CWC25: variants seen among roughly 807,000 people sequenced by gnomAD.
CWC25 encodes pre-mRNA-splicing factor CWC25 homolog.
A neutral mutation model predicts 54.6 loss-of-function variants in CWC25; 31 were observed. The observed-to-expected ratio is 0.57, with a 90% confidence interval of 0.43 to 0.77. CWC25 has a LOEUF of 0.77. Ranked by LOEUF, CWC25 falls within the 30% of genes least tolerant of loss-of-function variation. The pLI is 0.00. For synonymous variants in CWC25, 151 were observed against 187.0 expected (o/e 0.81, Z 1.57); for missense variants, 453 against 529.3 (o/e 0.86, Z 1.41).
intron 2 of CWC25, among the ~76,000 whole-genome samples, chr17:38,817,125 G>A (rs1388872267): frequency 6.6e-6 from 1 of 151,490 alleles, no homozygotes; most frequent in East Asian, 2.0e-4. Flanking sequence ...CTGATCACGA[G>A]GTCAGGAGAT....
intron 2 of CWC25, among the ~76,000 whole-genome samples, chr17:38,816,179 C>G (rs899706741): frequency 6.6e-6 from 1 of 152,154 alleles, no homozygotes; most frequent in South Asian, 2.1e-4. Context: ...ACACTGCAAC[C>G]AGGAAAGTAC....
rs942377726 is a variant in CWC25, at chr17:38,801,130, A to C, written c.*962T>G. On this transcript the variant is annotated 3_prime_UTR_variant, in exon 10 of 10. Coordinates refer to ENST00000614790, the MANE Select transcript of CWC25 (RefSeq NM_017748.5). ...GTACCTGACTGAAAGAGACTAGCAA[A>C]CAACTCCTGAAAATCTGTAATTGTA... is the stretch of plus-strand genomic sequence containing the variant. The C allele has an allele frequency of 3.9e-5, 6 of 152,004 alleles. No individual in the cohort carries two copies. Among genetic ancestry groups the C allele is most frequent in the African/African-American group, 1.4e-4 (6 of 41,384 alleles). The allele number at this position is 152,004 out of a possible 1,614,324, so 9.4% of individuals were successfully genotyped here. A position where few individuals can be genotyped will look rare whatever the true frequency, so the allele number is the denominator to read the frequency against.
rs1159712442 is a variant in CWC25, at chr17:38,806,934, T to C, written c.733A>G (p.Thr245Ala). The C allele has an allele frequency of 1.9e-6, 3 of 1,613,796 alleles. No individual in the cohort carries two copies. The highest frequency in any genetic ancestry group is 2.7e-5 in the African/African-American group (2 of 74,916). The change falls in exon 7 of 10, where the codon ACA (threonine) becomes GCA (alanine). Residue 245 changes from threonine to alanine, a missense_variant. By Grantham distance (58) the Thr-to-Ala change is moderately conservative. Around this residue, in one of 2 missense-constraint regions of CWC25, gnomAD observed 444 missense variants for 499.2 expected, o/e 0.89. Coordinates refer to ENST00000614790, the MANE Select transcript of CWC25 (RefSeq NM_017748.5). ...DRNQGLQGPL[T>A]AEQKRGHGMK... ...CCATGCCCTCTCTTTTGCTCTGCTGTCAGAGGACCCTGAAGACCCTGGTTA... is the reference window on the plus strand; with the variant it reads ...CCATGCCCTCTCTTTTGCTCTGCTGCCAGAGGACCCTGAAGACCCTGGTTA...
At chr17:38,815,213 A>C (rs913046506) in intron 2 of CWC25, 116 bp from the exon 3 acceptor site, 1 of 865,342 alleles carries the variant, frequency 1.2e-6, no homozygotes, top group Non-Finnish European at 1.8e-6. Context: ...AGTTCATTCT[A>C]CTGGCACCTA....
chr17:38,809,697 C>T lies in CWC25; in HGVS notation c.690+5G>A. The T allele has an allele frequency of 6.2e-7, 1 of 1,613,674 alleles. No homozygotes were observed. The highest frequency in any genetic ancestry group is 2.2e-5 in the East Asian group (1 of 44,876). On this transcript the variant is annotated splice_donor_5th_base_variant and intron_variant, in intron 6 of 9. Coordinates refer to ENST00000614790, the MANE Select transcript of CWC25 (RefSeq NM_017748.5). ...TCACTCCTTTCAAGAAGCCCACATC[C>T]CTACCTGTAAGCCATATCCAGGGAC...
chr17:38,812,986 T>A lies in CWC25; in HGVS notation c.429-122A>T, dbSNP rs970999996. The A allele has an allele frequency of 6.3e-6, 4 of 630,226 alleles. No individual in the cohort carries two copies. In the African/African-American group the frequency reaches 7.3e-5, roughly 12 times the overall value. The allele number at this position is 630,226 out of a possible 1,614,324, so 39.0% of individuals were successfully genotyped here. On this transcript the variant is annotated intron_variant, in intron 3 of 9. Transcript: ENST00000614790. ...GTTAAAATCTACATGATTAGCTGGG[T>A]GTGGTGGTGTGCACCTGTAATCCCA...
At chr17:38,805,476 GT>G (rs1911196357) in intron 8 of CWC25, among the ~76,000 whole-genome samples, 1 of 151,972 alleles carries the variant, frequency 6.6e-6, no homozygotes, top group Non-Finnish European at 1.5e-5. Context: ...TTTTTTAAAT[GT>G]TTTTAAAATA....
At chr17:38,814,745 C>CAAAAAAAAAAAA (rs71138658) in intron 3 of CWC25, 116 bp downstream of exon 3, 1 of 354,626 alleles carries the variant, frequency 2.8e-6, no homozygotes, top group African/African-American at 4.9e-5. Flanking sequence ...GACTCCGTCT[C>CAAAAAAAAAAAA]AAAAAAAAAA....
rs764695984 is a variant in CWC25, at chr17:38,802,201, A to T, written c.1169T>A (p.Met390Lys). The T allele has an allele frequency of 1.9e-6, 3 of 1,610,596 alleles. No individual in the cohort carries two copies. In the African/African-American group the frequency reaches 4.0e-5, roughly 22 times the overall value. The stretch of plus-strand genomic sequence containing the variant: ...GGAAGTAGATGCACTCTCCAGCTTC[A>T]TGCGGCTAGGAAGAGAAGACAGGCA... Reference protein sequence around the residue: ...DSRDGKFIHRMKLESASTSSL... With the variant: ...DSRDGKFIHRKKLESASTSSL... Residue 390 changes from methionine (M) to lysine (K), a missense_variant, in exon 10 of 10, where the codon ATG becomes AAG. Coordinates refer to ENST00000614790, the MANE Select transcript of CWC25 (RefSeq NM_017748.5).
rs1911001282 is a variant in CWC25, at chr17:38,801,103, T to TA, written c.*988dup. On this transcript the variant is annotated 3_prime_UTR_variant, in exon 10 of 10. Transcript: ENST00000614790. The stretch of plus-strand genomic sequence containing the variant: ...CCCAGCCTGTTTTTTGTTTTTTTTT[T>TA]AGTACCTGACTGAAAGAGACTAGCA... 6.6e-6 allele frequency: 1 copy of TA among 151,906 alleles called. No individual in the cohort carries two copies. The highest frequency in any genetic ancestry group is 2.4e-5 in the African/African-American group (1 of 41,282). 9.4% of individuals were successfully genotyped at this position (151,906 alleles called of 1,614,324 possible).
chr17:38,818,438 A>C (rs1276380398), intron 2 of CWC25, among the ~76,000 whole-genome samples: 2 of 143,912 alleles, frequency 1.4e-5, no homozygotes, highest in East Asian at 4.2e-4. Context: ...TAAAAATACA[A>C]AAAATTAGCC....
Position 38,800,606 on chromosome 17 carries a change from A to T in CWC25, c.*1486T>A. On this transcript the variant is annotated 3_prime_UTR_variant, in exon 10 of 10. Transcript: ENST00000614790. ...GTGCCTGGCATCATAAGTGTTCAAA[A>T]ACAGAAATCCAAATACATTTTAAGC... 1 of 152,240 alleles carries T rather than the reference A, an allele frequency of 6.6e-6. No individual in the cohort carries two copies. 9.4% of individuals were successfully genotyped at this position (152,240 alleles called of 1,614,324 possible). A position where few individuals can be genotyped will look rare whatever the true frequency, so the allele number is the denominator to read the frequency against.
At position 38,816,009 on chromosome 17, in the gene CWC25, C is replaced by A. The variant is rs1911683217; in HGVS notation, c.192-912G>T. Among the ~76,000 whole-genome samples the A allele has an allele frequency of 2.6e-5, 4 of 152,152 alleles. No individual in the cohort carries two copies. The South Asian group carries it at 6.2e-4, about 24-fold the overall frequency. On this transcript the variant is annotated intron_variant, in intron 2 of 9. Transcript: ENST00000614790. ...ACAAGTGAATAAACCCTGGTCTCAGCCATCTAGGGGCCAAATTAAGTCACA... is the reference window on the plus strand; with the variant it reads ...ACAAGTGAATAAACCCTGGTCTCAGACATCTAGGGGCCAAATTAAGTCACA...
chr17:38,814,848 C>A lies in CWC25; in HGVS notation c.428+13G>T. The A allele has an allele frequency of 6.2e-7, 1 of 1,600,082 alleles. No individual in the cohort carries two copies. Among genetic ancestry groups the A allele is most frequent in the African/African-American group, 1.3e-5 (1 of 74,512 alleles). On this transcript the variant is annotated intron_variant, in intron 3 of 9. Coordinates refer to ENST00000614790, the MANE Select transcript of CWC25 (RefSeq NM_017748.5). ...ATCTGTAACAAACCCCCTTCCTAGC[C>A]CCCCATTAGTACCTGATGATGAAGA...
chr17:38,814,185 G>C (rs1911604057), intron 3 of CWC25, among the ~76,000 whole-genome samples: 1 of 152,108 alleles, frequency 6.6e-6, no homozygotes, highest in Admixed American at 6.6e-5. Context: ...GATGGTTATA[G>C]AGTTTCAATT....
At chr17:38,812,072 G>T (rs1423962222) in intron 4 of CWC25, among the ~76,000 whole-genome samples, 2 of 151,802 alleles carry the variant, frequency 1.3e-5, no homozygotes, top group Non-Finnish European at 2.9e-5. Context: ...CCAAGTAGCT[G>T]GGATTACAGG....
At chr17:38,809,254 C>T (rs942573122) in intron 6 of CWC25, among the ~76,000 whole-genome samples, 2 of 151,534 alleles carry the variant, frequency 1.3e-5, no homozygotes, top group South Asian at 4.2e-4. Flanking sequence ...ATGACGAAAC[C>T]CTGTCTCTAC....
chr17:38,814,908 A>C lies in CWC25; in HGVS notation c.381T>G (p.Leu127=). The change falls in exon 3 of 10, where the codon CTT becomes CTG. Residue 127 remains leucine (L), a synonymous_variant. Transcript: ENST00000614790. ...SIFAPSGANS[L]LDMASKIRED... ...CCCGGATCTTGCTGGCCATGTCAAG[A>C]AGGGAATTGGCACCTGATGGGGCAA... 1 of 1,613,478 alleles carries C rather than the reference A, an allele frequency of 6.2e-7. No homozygotes were observed. The highest frequency in any genetic ancestry group is 8.5e-7 in the Non-Finnish European group (1 of 1,179,790).
intron 2 of CWC25, among the ~76,000 whole-genome samples, chr17:38,820,291 T>A (rs1019376482): frequency 3.3e-5 from 5 of 152,202 alleles, no homozygotes; most frequent in Non-Finnish European, 7.3e-5. Flanking sequence ...GCATATTGTA[T>A]GCTTTTTATT....
Sources: gnomAD v4.1 joint callset for allele counts (sites outside exome capture counted in the v4.1 genomes callset) on GRCh38, gnomAD v4.1.1 for gene constraint, gnomAD v4.1.1 regional missense constraint, MANE v1.5 for transcripts, NCBI Gene and HGNC (gene_info 2026-07-23, HGNC 2026-07-21) for gene names.